The following TNS3 variants were observed in gnomAD, a reference collection of about 807,000 sequenced individuals.
TNS3 encodes tensin-3.
Under a neutral mutation model 140.9 loss-of-function variants are expected in TNS3, and 45 were observed. The ratio of observed to expected loss-of-function variants is 0.32; its 90% confidence interval spans 0.25 to 0.41. The LOEUF (loss-of-function observed/expected upper bound fraction) is 0.41. Ranked by LOEUF, TNS3 falls within the 10% of genes least tolerant of loss-of-function variation. The pLI is 1.00. For missense variants in TNS3, 1,716 were observed against 1,906.7 expected, an observed-to-expected ratio of 0.90 and a Z score of 1.86; for synonymous variants, 815 against 788.4, an observed-to-expected ratio of 1.03 and a Z score of -0.56.
chr7:47,421,127 T>C (rs1794351952), intron 10 of TNS3, among the ~76,000 whole-genome samples: 2 of 152,050 alleles, frequency 1.3e-5, no homozygotes, highest in African/African-American at 4.8e-5. Context: ...ATTAACTCCG[T>C]GATGGGGCCA....
chr7:47,329,100 C>T (rs183864133), intron 20 of TNS3, among the ~76,000 whole-genome samples: 20 of 152,278 alleles, frequency 1.3e-4, no homozygotes, highest in Admixed American at 3.9e-4. Context: ...GCTCTGTTCC[C>T]GTGACCCGAA....
intron 9 of TNS3, among the ~76,000 whole-genome samples, chr7:47,425,658 G>C (rs1332656198): frequency 6.6e-6 from 1 of 152,172 alleles, no homozygotes; most frequent in Non-Finnish European, 1.5e-5. Flanking sequence ...TGACTTTTAA[G>C]CATTCCTTTT....
chr7:47,577,768 C>A lies in TNS3; in HGVS notation c.-265+4283G>T, dbSNP rs148327365. 3.4e-3 allele frequency among the ~76,000 whole-genome samples: 510 copies of A among 152,216 alleles called. 1 individual carries two copies. The highest frequency in any genetic ancestry group is 9.3e-3 in the African/African-American group (388 of 41,532). On this transcript the variant is annotated intron_variant, in intron 1 of 30. Transcript: ENST00000311160. ...AAAAGGAAGGGGGTCTTGTTAGCCG[C>A]GTTATTAGGCTGAGAGCTGGCGGGC...
intron 27 of TNS3, 132 bp from the exon 28 acceptor site, chr7:47,283,997 A>G (rs535613392): frequency 7.9e-6 from 6 of 763,200 alleles, no homozygotes; most frequent in South Asian, 5.7e-5. Context: ...TGCTGGGTGC[A>G]TGTAAGGCAG....
intron 20 of TNS3, among the ~76,000 whole-genome samples, chr7:47,344,433 T>C (rs1278823027): frequency 6.6e-6 from 1 of 151,972 alleles, no homozygotes; most frequent in Non-Finnish European, 1.5e-5. Flanking sequence ...ACGTGAAGTG[T>C]GGGGTGGGCA....
At chr7:47,387,637 C>T (rs984443249) in intron 16 of TNS3, among the ~76,000 whole-genome samples, 2 of 152,212 alleles carry the variant, frequency 1.3e-5, no homozygotes, top group Non-Finnish European at 2.9e-5. Flanking sequence ...CCTTTCCCTC[C>T]CCTAGGAGGC....
chr7:47,279,773 C>T (rs1007982866), intron 30 of TNS3: 13 of 241,484 alleles, frequency 5.4e-5, no homozygotes, highest in Admixed American at 3.6e-4. Flanking sequence ...GGCCCTCCTC[C>T]GTTGCATTTG....
intron 20 of TNS3, among the ~76,000 whole-genome samples, chr7:47,342,303 T>C (rs1372333744): frequency 6.6e-6 from 1 of 152,204 alleles, no homozygotes; most frequent in African/African-American, 2.4e-5. Context: ...CTCCGGGAAG[T>C]GAAGCCTCTC....
At chr7:47,338,322 A>C (rs1327933739) in intron 20 of TNS3, among the ~76,000 whole-genome samples, 1 of 152,230 alleles carries the variant, frequency 6.6e-6, no homozygotes, top group Non-Finnish European at 1.5e-5. Flanking sequence ...AGCAACGTAT[A>C]AGGGGTCTAG....
chr7:47,291,765 T>C (rs985037404), intron 27 of TNS3, among the ~76,000 whole-genome samples, 190 bp downstream of exon 27: 2 of 152,210 alleles, frequency 1.3e-5, no homozygotes, highest in African/African-American at 2.4e-5. Context: ...GACCGGCCCA[T>C]GAAGGCCTTG....
chr7:47,464,940 C>CTGA (rs778367680), intron 4 of TNS3, among the ~76,000 whole-genome samples: 14 of 152,194 alleles, frequency 9.2e-5, no homozygotes, highest in Non-Finnish European at 1.9e-4. Context: ...TTCCAAAGTG[C>CTGA]TTCACTCTCT....
Position 47,293,877 on chromosome 7 carries a change from T to C in TNS3, c.3677-49A>G, listed in dbSNP as rs759006767. The C allele has an allele frequency of 6.4e-6, 10 of 1,553,094 alleles. No individual in the cohort carries two copies. The East Asian group carries it at 2.2e-4, about 35-fold the overall frequency. ...GAAGAATTTTTTGAAAATGGGAGCA[T>C]GGGAGAATTCAATAGAGAGAACATA... On this transcript the variant is annotated intron_variant, in intron 24 of 30. Transcript: ENST00000311160.
intron 7 of TNS3, among the ~76,000 whole-genome samples, chr7:47,436,078 T>A (rs188693106): frequency 6.6e-6 from 1 of 152,168 alleles, no homozygotes; most frequent in Non-Finnish European, 1.5e-5. Context: ...CTCTATCTTA[T>A]GATGAAAGTC....
chr7:47,513,593 C>T (rs1229139323), intron 2 of TNS3, among the ~76,000 whole-genome samples: 1 of 152,232 alleles, frequency 6.6e-6, no homozygotes, highest in East Asian at 1.9e-4. Flanking sequence ...CATGTAATCA[C>T]CAGATGAATG....
chr7:47,339,178 G>T (rs1485902861), intron 20 of TNS3, among the ~76,000 whole-genome samples: 1 of 151,928 alleles, frequency 6.6e-6, no homozygotes, highest in Non-Finnish European at 1.5e-5. Flanking sequence ...CTCTTCACAG[G>T]TTCTTTCCAT....
At chr7:47,388,930 A>G (rs965942947) in intron 16 of TNS3, among the ~76,000 whole-genome samples, 19 of 151,034 alleles carry the variant, frequency 1.3e-4, no homozygotes, top group African/African-American at 4.6e-4. Context: ...AGGGAGGAGA[A>G]GAGAAGAAGA....
At position 47,543,074 on chromosome 7, in the gene TNS3, G is replaced by A. The variant is rs79705769; in HGVS notation, c.-264-13927C>T. Among the ~76,000 whole-genome samples, 1,300 of 152,278 alleles carry A rather than the reference G, an allele frequency of 8.5e-3. 20 individuals are homozygous for A. The highest frequency in any genetic ancestry group is 0.03 in the African/African-American group (1,235 of 41,542). The stretch of plus-strand genomic sequence containing the variant: ...CTCCTTGTCCAAAGGTGGGAACACT[G>A]GTCACTGGGCAGCAGGAGGCCCAGA... On this transcript the variant is annotated intron_variant, in intron 1 of 30. Transcript: ENST00000311160.
chr7:47,493,229 G>A (rs577374442), intron 3 of TNS3, among the ~76,000 whole-genome samples: 2 of 152,290 alleles, frequency 1.3e-5, no homozygotes, highest in South Asian at 2.1e-4. Context: ...TGGTCACTTC[G>A]CCAGACTTTG....
In TNS3 at chr7:47,344,645, C is replaced by T. The variant is rs148653423; in HGVS notation, c.2650+110G>A. The T allele has an allele frequency of 3.2e-5, 32 of 1,013,440 alleles. No homozygotes were observed. The East Asian group carries it at 4.4e-4, about 14-fold the overall frequency. The allele number at this position is 1,013,440 out of a possible 1,614,324, so 62.8% of individuals were successfully genotyped here. A position where few individuals can be genotyped will look rare whatever the true frequency, so the allele number is the denominator to read the frequency against. On this transcript the variant is annotated intron_variant, in intron 20 of 30. Coordinates refer to ENST00000311160, the MANE Select transcript of TNS3 (RefSeq NM_022748.12). ...ATCCTCATCCAAGGCTTCTGAGATA[C>T]GACACAAATGGAAACATTTCTGCAT...
Sources: gnomAD v4.1 joint callset for allele counts (sites outside exome capture counted in the v4.1 genomes callset) on GRCh38, gnomAD v4.1.1 for gene constraint, MANE v1.5 for transcripts, NCBI Gene and HGNC (gene_info 2026-07-23, HGNC 2026-07-21) for gene names.